The following RNGTT variants were observed in gnomAD, a reference collection of about 807,000 sequenced individuals.
RNGTT encodes the protein RNA guanylyltransferase and 5'-phosphatase, also known as mRNA-capping enzyme.
Under a neutral mutation model 79.3 loss-of-function variants are expected in RNGTT, and 33 were observed. The ratio of observed to expected loss-of-function variants is 0.42; its 90% CI spans 0.32 to 0.56. RNGTT has a LOEUF of 0.56. RNGTT is among the 20% of genes least tolerant of loss of function. The probability of loss-of-function intolerance (pLI) is 0.17; values close to 1 mark genes in which losing one functional copy is unlikely to be tolerated. For missense variants in RNGTT, 497 were observed against 739.1 expected, an observed-to-expected ratio of 0.67 and a Z score of 3.80; for synonymous variants, 222 against 235.9, an observed-to-expected ratio of 0.94 and a Z score of 0.54.
At chr6:88,740,597 T>C (rs920991138) in intron 13 of RNGTT, among the ~76,000 whole-genome samples, 13 of 151,870 alleles carry the variant, frequency 8.6e-5, no homozygotes, top group Non-Finnish European at 1.3e-4. Context: ...ATGAATGAGA[T>C]CATGTCCTTT....
chr6:88,927,826 T>A (rs1197468983), intron 4 of RNGTT, among the ~76,000 whole-genome samples: 2 of 145,544 alleles, frequency 1.4e-5, no homozygotes, highest in African/African-American at 2.5e-5. Flanking sequence ...AGAGTGGGAT[T>A]CCATCTCAAA....
intron 14 of RNGTT, among the ~76,000 whole-genome samples, chr6:88,677,663 A>T (rs1774926930): frequency 6.6e-6 from 1 of 151,890 alleles, no homozygotes. Flanking sequence ...AGGTTTCACT[A>T]TGTTGCCCAG....
At chr6:88,836,006 AC>A (rs1781058455) in intron 11 of RNGTT, among the ~76,000 whole-genome samples, 1 of 121,664 alleles carries the variant, frequency 8.2e-6, no homozygotes, top group Admixed American at 8.7e-5. Context: ...ACACACACAC[AC>A]ACACACACAC....
chr6:88,643,456 T>C (rs144822313), intron 14 of RNGTT, among the ~76,000 whole-genome samples: 6 of 152,262 alleles, frequency 3.9e-5, no homozygotes, highest in African/African-American at 7.2e-5. Context: ...GACAGAAAGT[T>C]AACAAGGATG....
At chr6:88,829,829 A>G (rs1442957762) in intron 11 of RNGTT, among the ~76,000 whole-genome samples, 1 of 152,222 alleles carries the variant, frequency 6.6e-6, no homozygotes, top group Non-Finnish European at 1.5e-5. Context: ...CAATGCAACA[A>G]GAAGAGGTAA....
At chr6:88,915,390 G>A (rs775232152) in intron 4 of RNGTT, among the ~76,000 whole-genome samples, 1 of 152,126 alleles carries the variant, frequency 6.6e-6, no homozygotes, top group Non-Finnish European at 1.5e-5. Context: ...TGGTGGACTA[G>A]GTAAATAAAA....
chr6:88,698,158 GATATATATGACAT>G (rs1208438444), intron 13 of RNGTT, among the ~76,000 whole-genome samples: 1 of 54,126 alleles, frequency 1.8e-5, no homozygotes, highest in Admixed American at 1.9e-4. Context: ...AAATACATAT[GATATATATGACAT>G]ATATATGATA....
rs568228311 is a variant in RNGTT, at chr6:88,681,340, T to A, written c.1440-2921A>T. Among the ~76,000 whole-genome samples, 3 of 152,292 alleles carry A rather than the reference T, an allele frequency of 2.0e-5. No homozygotes were observed. In the South Asian group the frequency reaches 6.2e-4, roughly 32 times the overall value. On this transcript the variant is annotated intron_variant, in intron 13 of 15. Coordinates refer to ENST00000369485, the MANE Select transcript of RNGTT (RefSeq NM_003800.5). ...CTAAATAAGAAATTTCTTAAATATATCAGTTGGCACATATATATGTATGTA... is the reference window on the plus strand; with the variant it reads ...CTAAATAAGAAATTTCTTAAATATAACAGTTGGCACATATATATGTATGTA...
At chr6:88,876,368 C>CA (rs1042098405) in intron 8 of RNGTT, among the ~76,000 whole-genome samples, 4 of 151,672 alleles carry the variant, frequency 2.6e-5, no homozygotes, top group African/African-American at 7.3e-5. Flanking sequence ...ATCTCAACAA[C>CA]AAAAAAAAGA....
chr6:88,823,302 C>T (rs566942103), intron 11 of RNGTT, among the ~76,000 whole-genome samples: 6 of 151,948 alleles, frequency 3.9e-5, no homozygotes, highest in South Asian at 2.1e-4. Context: ...CGTGGTGCCA[C>T]GTGCCTGTAA....
At chr6:88,958,419 CAGAGT>C (rs1785504356) in intron 1 of RNGTT, among the ~76,000 whole-genome samples, 1 of 152,154 alleles carries the variant, frequency 6.6e-6, no homozygotes, top group Admixed American at 6.5e-5. Flanking sequence ...AAATAATCAG[CAGAGT>C]AAACAGACAA....
At chr6:88,904,614 A>G in intron 6 of RNGTT, 101 bp downstream of exon 6, 2 of 1,348,024 alleles carry the variant, frequency 1.5e-6, no homozygotes, top group South Asian at 3.0e-5. Flanking sequence ...CATCTGACAA[A>G]CCTAGCTAAA....
chr6:88,670,232 G>T (rs1200858095), intron 14 of RNGTT, among the ~76,000 whole-genome samples: 1 of 152,082 alleles, frequency 6.6e-6, no homozygotes, highest in Non-Finnish European at 1.5e-5. Context: ...TTTGATCCTG[G>T]GTCTGTATTT....
chr6:88,858,760 C>T (rs546942036), intron 8 of RNGTT, among the ~76,000 whole-genome samples: 3 of 152,198 alleles, frequency 2.0e-5, no homozygotes, highest in Non-Finnish European at 1.5e-5. Context: ...CTAACCCTCA[C>T]ATTCAATATG....
At chr6:88,669,814 G>C (rs1337107505) in intron 14 of RNGTT, among the ~76,000 whole-genome samples, 1 of 152,156 alleles carries the variant, frequency 6.6e-6, no homozygotes, top group Non-Finnish European at 1.5e-5. Context: ...TATGCTTCCT[G>C]AGAAAACAGA....
intron 12 of RNGTT, among the ~76,000 whole-genome samples, chr6:88,780,219 T>G (rs954106839): frequency 6.6e-6 from 1 of 152,096 alleles, no homozygotes; most frequent in South Asian, 2.1e-4. Context: ...AAATACAGAA[T>G]TTCAAAACTT....
At chr6:88,791,042 A>G (rs970486703) in intron 12 of RNGTT, among the ~76,000 whole-genome samples, 3 of 152,144 alleles carry the variant, frequency 2.0e-5, no homozygotes, top group Non-Finnish European at 2.9e-5. Flanking sequence ...ATTATATGGC[A>G]AAAGAGACTT....
chr6:88,843,791 T>C lies in RNGTT; in HGVS notation c.1269+566A>G, dbSNP rs1293039091. Among the ~76,000 whole-genome samples the C allele has an allele frequency of 3.3e-5, 5 of 151,382 alleles. No individual in the cohort carries two copies. In the East Asian group the frequency reaches 5.8e-4, roughly 18 times the overall value. ...CAGGCTGGTCTTGAGTTCCTGACCT[T>C]GTGATCTGCCCGCCTTGGCCTCCCA... On this transcript the variant is annotated intron_variant, in intron 11 of 15. Coordinates refer to ENST00000369485, the MANE Select transcript of RNGTT (RefSeq NM_003800.5).
chr6:88,797,262 A>G (rs896337413), intron 12 of RNGTT, among the ~76,000 whole-genome samples: 14 of 152,348 alleles, frequency 9.2e-5, no homozygotes, highest in Non-Finnish European at 1.3e-4. Context: ...AGTCAGAGCC[A>G]TAAAATTGTA....
Sources: gnomAD v4.1 joint callset for allele counts (sites outside exome capture counted in the v4.1 genomes callset) on GRCh38, gnomAD v4.1.1 for gene constraint, MANE v1.5 for transcripts, NCBI Gene and HGNC (gene_info 2026-07-23, HGNC 2026-07-21) for gene names.